The following CCNY variants were observed in gnomAD, a reference collection of about 807,000 sequenced individuals.
The protein encoded by CCNY is cyclin-Y.
CCNY carries 19 observed loss-of-function variants against 42.8 expected under a neutral mutation model. The ratio of observed to expected loss-of-function variants is 0.44; its 90% confidence interval spans 0.31 to 0.65. The LOEUF (loss-of-function observed/expected upper bound fraction) is 0.65, where lower values mean the gene tolerates loss of function less well. Ranked by LOEUF, CCNY falls within the 30% of genes least tolerant of loss-of-function variation. CCNY has a pLI of 0.07. For missense variants in CCNY, 370 were observed against 437.3 expected, an observed-to-expected ratio of 0.85 and a Z score of 1.37; for synonymous variants, 165 against 162.7, an observed-to-expected ratio of 1.01 and a Z score of -0.11.
intron 3 of CCNY, among the ~76,000 whole-genome samples, chr10:35,278,419 A>G (rs1835263197): frequency 3.3e-5 from 5 of 151,212 alleles, no homozygotes; most frequent in Admixed American, 6.6e-5. Flanking sequence ...ACTCCGCCCA[A>G]CACTAGTGAT....
At chr10:35,519,261 A>G (rs1315900938) in intron 4 of CCNY, among the ~76,000 whole-genome samples, 2 of 151,072 alleles carry the variant, frequency 1.3e-5, no homozygotes, top group African/African-American at 4.9e-5. Context: ...GCTGAGGTAT[A>G]CTGTGAGTAT....
chr10:35,389,585 G>A (rs1453801619), intron 1 of CCNY, among the ~76,000 whole-genome samples: 3 of 151,906 alleles, frequency 2.0e-5, no homozygotes, highest in East Asian at 1.9e-4. Context: ...GATTACAGGC[G>A]CCTGCCACCA....
upstream of CCNY, chr10:35,332,442 A>G (rs1835956579): frequency 6.6e-6 from 1 of 152,198 alleles, no homozygotes; most frequent in African/African-American, 2.4e-5. Flanking sequence ...ATTAAGGTAG[A>G]CTATTCTTGA....
intron 5 of CCNY, among the ~76,000 whole-genome samples, chr10:35,526,855 A>G (rs1359711501): frequency 6.6e-6 from 1 of 152,212 alleles, no homozygotes; most frequent in Non-Finnish European, 1.5e-5. Context: ...TCTCATGGTA[A>G]TCATATTTCA....
Position 35,555,760 on chromosome 10 carries a change from GAAGTT to G in CCNY, c.746+2578_746+2582del, listed in dbSNP as rs1220529943. ...TAAGTCAACTCTTTTTCTACACAGA[GAAGTT>G]AAAACAGTTGGCCAGTGTTCATTCA... On this transcript the variant is annotated intron_variant, in intron 8 of 9. Transcript: ENST00000374704. Among the ~76,000 whole-genome samples, 3 of 152,280 alleles carry G rather than the reference GAAGTT, an allele frequency of 2.0e-5. No homozygotes were observed. The East Asian group carries it at 5.8e-4, about 29-fold the overall frequency.
intron 1 of CCNY, among the ~76,000 whole-genome samples, chr10:35,354,730 A>G (rs1316470084): frequency 1.3e-5 from 2 of 152,188 alleles, no homozygotes; most frequent in Non-Finnish European, 2.9e-5. Flanking sequence ...GAGAGAGAAT[A>G]ACTATGGGAT....
At chr10:35,489,818 A>C (rs1427557122) in intron 2 of CCNY, among the ~76,000 whole-genome samples, 1 of 152,358 alleles carries the variant, frequency 6.6e-6, no homozygotes, top group Non-Finnish European at 1.5e-5. Flanking sequence ...CAGTTAGAGG[A>C]GTCCCTCATT....
At chr10:35,353,542 G>A (rs998114577) in intron 1 of CCNY, among the ~76,000 whole-genome samples, 4 of 152,180 alleles carry the variant, frequency 2.6e-5, no homozygotes, top group Non-Finnish European at 5.9e-5. Flanking sequence ...ACCTCATACT[G>A]TAGGAGATCC....
intron 1 of CCNY, among the ~76,000 whole-genome samples, chr10:35,385,761 G>A (rs1716678481): frequency 6.6e-6 from 1 of 152,174 alleles, no homozygotes; most frequent in African/African-American, 2.4e-5. Context: ...CAGTCTTGGG[G>A]TGCCTTCCAT....
chr10:35,545,497 A>C (rs1589195912), intron 7 of CCNY, among the ~76,000 whole-genome samples: 1 of 152,162 alleles, frequency 6.6e-6, no homozygotes. Flanking sequence ...TCCTGTGTGC[A>C]TGTCTGTCTC....
chr10:35,263,566 A>G (rs1750215849), intron 3 of CCNY, among the ~76,000 whole-genome samples: 1 of 150,538 alleles, frequency 6.6e-6, no homozygotes, highest in Admixed American at 6.6e-5. Context: ...TAAAATAAAG[A>G]AAAAGGGGAG....
intron 3 of CCNY, among the ~76,000 whole-genome samples, chr10:35,292,452 C>G (rs1430788546): frequency 6.6e-6 from 1 of 152,098 alleles, no homozygotes; most frequent in Admixed American, 6.5e-5. Flanking sequence ...CAACCTGCAC[C>G]TCCTGGGTTC....
chr10:35,385,949 A>G (rs1837291459), intron 1 of CCNY, among the ~76,000 whole-genome samples: 1 of 152,228 alleles, frequency 6.6e-6, no homozygotes, highest in Non-Finnish European at 1.5e-5. Flanking sequence ...GAATGTCACT[A>G]CATATCTGTC....
At chr10:35,384,769 T>A (rs1180345979) in intron 1 of CCNY, among the ~76,000 whole-genome samples, 2 of 152,152 alleles carry the variant, frequency 1.3e-5, no homozygotes, top group African/African-American at 4.8e-5. Context: ...CCTGGGACCC[T>A]TTCAGTTTAG....
At chr10:35,373,264 G>T (rs1836978139) in intron 1 of CCNY, among the ~76,000 whole-genome samples, 1 of 152,122 alleles carries the variant, frequency 6.6e-6, no homozygotes, top group Non-Finnish European at 1.5e-5. Context: ...TCTTAGGGCT[G>T]TTAGGAGAAT....
At chr10:35,510,491 A>G (rs1045280962) in intron 3 of CCNY, among the ~76,000 whole-genome samples, 1 of 152,230 alleles carries the variant, frequency 6.6e-6, no homozygotes, top group Non-Finnish European at 1.5e-5. Context: ...TGCTGGAATT[A>G]TAGGCATGAG....
intron 3 of CCNY, among the ~76,000 whole-genome samples, chr10:35,308,567 T>C (rs1835642823): frequency 6.6e-6 from 1 of 151,708 alleles, no homozygotes; most frequent in Non-Finnish European, 1.5e-5. Context: ...GAAGAGGATG[T>C]GTGAGGTGTG....
chr10:35,395,898 C>T (rs1164104479), intron 1 of CCNY, among the ~76,000 whole-genome samples: 1 of 152,098 alleles, frequency 6.6e-6, no homozygotes, highest in Non-Finnish European at 1.5e-5. Context: ...GCAGCACTCA[C>T]CCTTTGCGGA....
chr10:35,283,540 A>G (rs1303680837), intron 3 of CCNY, among the ~76,000 whole-genome samples: 1 of 151,938 alleles, frequency 6.6e-6, no homozygotes, highest in Non-Finnish European at 1.5e-5. Flanking sequence ...AGTAGGTGGG[A>G]CCACAGGCAC....
Sources: gnomAD v4.1 joint callset for allele counts (sites outside exome capture counted in the v4.1 genomes callset) on GRCh38, gnomAD v4.1.1 for gene constraint, MANE v1.5 for transcripts, NCBI Gene and HGNC (gene_info 2026-07-23, HGNC 2026-07-21) for gene names.